The following ZNF518A variants were observed in gnomAD, a reference collection of about 807,000 sequenced individuals.
The protein encoded by ZNF518A is zinc finger protein 518A, also known as zinc finger protein 518.
A neutral mutation model predicts 102.7 loss-of-function variants in ZNF518A; 47 were observed. That is an observed-to-expected ratio of 0.46 (90% CI 0.36 to 0.58). The LOEUF (loss-of-function observed/expected upper bound fraction) is 0.58, where lower values mean the gene tolerates loss of function less well. Among genes scored for constraint, ZNF518A ranks in the 20% least tolerant of loss-of-function variants. The probability of loss-of-function intolerance (pLI) is 0.00; values close to 1 mark genes in which losing one functional copy is unlikely to be tolerated. For synonymous variants in ZNF518A, 652 were observed against 594.6 expected (o/e 1.10, Z -1.40); for missense variants, 1,793 against 1,699.8 (o/e 1.05, Z -0.96).
downstream of ZNF518A, among the ~76,000 whole-genome samples, chr10:96,165,166 C>T (rs587629338): frequency 1.3e-5 from 2 of 152,310 alleles, no homozygotes; most frequent in East Asian, 3.9e-4. Flanking sequence ...CTCTGTTCCC[C>T]AGGCTGGAGT....
intron 1 of ZNF518A, among the ~76,000 whole-genome samples, chr10:96,174,739 C>CAGATAGATAGATAGAT (rs57745529): frequency 0.02 from 3,025 of 151,086 alleles, 45 homozygotes; most frequent in Non-Finnish European, 0.029. Context: ...AAAAAAATTA[C>CAGATAGATAGATAGAT]AGATAGATAG....
intron 3 of ZNF518A, among the ~76,000 whole-genome samples, chr10:96,144,504 G>C (rs1338018396): frequency 2.0e-5 from 3 of 152,070 alleles, no homozygotes; most frequent in Non-Finnish European, 4.4e-5. Flanking sequence ...TGAGGTTTTT[G>C]TGAGTAAACA....
chr10:96,201,303 T>A (rs2083628010), intron 1 of ZNF518A, among the ~76,000 whole-genome samples: 1 of 152,118 alleles, frequency 6.6e-6, no homozygotes, highest in Admixed American at 6.5e-5. Context: ...CTCATGTAGT[T>A]CCACCAGAAA....
chr10:96,189,702 A>ATCG (rs1205264010), intron 1 of ZNF518A: 1 of 695,338 alleles, frequency 1.4e-6, no homozygotes, highest in African/African-American at 1.8e-5. Context: ...CATCAAAATC[A>ATCG]TCATCATCAT....
chr10:96,201,188 T>G, intron 1 of ZNF518A: 1 of 811,612 alleles, frequency 1.2e-6, no homozygotes, highest in Non-Finnish European at 2.1e-6. Context: ...AGGCAATGGT[T>G]CCAAAAGTGT....
At chr10:96,150,742 C>CTTT (rs1564759772) in intron 3 of ZNF518A, among the ~76,000 whole-genome samples, 1 of 14,538 alleles carries the variant, frequency 6.9e-5, no homozygotes, top group Non-Finnish European at 1.8e-4. Flanking sequence ...TTCTTTCTTT[C>CTTT]CTTTTTTTTT....
intron 3 of ZNF518A, among the ~76,000 whole-genome samples, chr10:96,135,960 G>T (rs1426539122): frequency 6.6e-6 from 1 of 152,144 alleles, no homozygotes; most frequent in East Asian, 1.9e-4. Flanking sequence ...GCTTTGATAG[G>T]CACAGAGAAT....
At chr10:96,174,713 AT>A (rs1564801342) in intron 1 of ZNF518A, among the ~76,000 whole-genome samples, 1 of 151,888 alleles carries the variant, frequency 6.6e-6, no homozygotes, top group Non-Finnish European at 1.5e-5. Flanking sequence ...TTCAGAATAC[AT>A]TAGTAAAGTC....
At chr10:96,191,992 T>C (rs1554893536) in intron 1 of ZNF518A, 4 of 1,613,784 alleles carry the variant, frequency 2.5e-6, no homozygotes, top group South Asian at 1.1e-5. Context: ...TTTAACTGCA[T>C]ACTTCAGTCT....
At chr10:96,155,569 T>G (rs2082658751) in intron 4 of ZNF518A, 193 bp downstream of exon 4, 1 of 152,244 alleles carries the variant, frequency 6.6e-6, no homozygotes, top group Admixed American at 6.5e-5. Flanking sequence ...TTCTTTTTAA[T>G]TTCTTCCTTT....
Position 96,160,724 on chromosome 10 carries a change from G to A in ZNF518A, c.4402G>A (p.Gly1468Arg). The change falls in exon 6 of 6, where the codon GGG (glycine) becomes AGG (arginine). Residue 1468 changes from glycine to arginine, a missense_variant. This residue lies in a region of ZNF518A where 30 missense variants were observed against 61.1 expected (regional missense o/e 0.49). Transcript: ENST00000316045. The part of the protein sequence containing the change: ...FDNQDTWAGH[G>R]QRHLMEATRD... ...CAATCAGGATACTTGGGCTGGTCAT[G>A]GGCAGAGACATTTAATGGAAGCTAC... 1 of 1,605,690 alleles carries A rather than the reference G, an allele frequency of 6.2e-7. No individual in the cohort carries two copies. Among genetic ancestry groups the A allele is most frequent in the African/African-American group, 1.3e-5 (1 of 74,508 alleles).
chr10:96,180,868 G>A (rs2133892349), intron 1 of ZNF518A, among the ~76,000 whole-genome samples: 1 of 152,288 alleles, frequency 6.6e-6, no homozygotes, highest in Middle Eastern at 3.4e-3. Context: ...CCAGTAATGT[G>A]ATGGCTGGGA....
At chr10:96,143,585 A>G (rs956802941) in intron 3 of ZNF518A, among the ~76,000 whole-genome samples, 34 of 152,326 alleles carry the variant, frequency 2.2e-4, no homozygotes, top group African/African-American at 7.5e-4. Flanking sequence ...GTAGTATGTA[A>G]GAAGCCTTTG....
intron 1 of ZNF518A, among the ~76,000 whole-genome samples, chr10:96,185,562 C>G (rs915988343): frequency 6.6e-6 from 1 of 152,138 alleles, no homozygotes; most frequent in Non-Finnish European, 1.5e-5. Context: ...AACAGTCAGT[C>G]CCCTCAGCTG....
chr10:96,172,896 G>A (rs1230880955), intron 1 of ZNF518A, among the ~76,000 whole-genome samples: 1 of 152,072 alleles, frequency 6.6e-6, no homozygotes, highest in Non-Finnish European at 1.5e-5. Flanking sequence ...GGATAAATAA[G>A]ATTCATGTGC....
At chr10:96,167,733 A>G (rs1044955357), downstream of ZNF518A, among the ~76,000 whole-genome samples, 1 of 152,244 alleles carries the variant, frequency 6.6e-6, no homozygotes, top group Admixed American at 6.5e-5. Context: ...TGTTCTTCAC[A>G]CTATGTACAC....
chr10:96,159,613 C>T lies in ZNF518A; in HGVS notation c.3291C>T (p.Phe1097=), dbSNP rs374368002. ...TTCCAAAACCACCTCTTTATACCTT[C>T]TTGCCTGATGGCAAACAAGCTGTTT... ...EIFPKPPLYT[F]LPDGKQAVFL... is the part of the protein sequence containing the mutation. Residue 1097 remains phenylalanine (F), a synonymous_variant, in exon 6 of 6, where the codon TTC becomes TTT. Transcript: ENST00000316045. 1.2e-5 allele frequency: 20 copies of T among 1,613,752 alleles called. No individual in the cohort carries two copies. Among genetic ancestry groups the T allele is most frequent in the African/African-American group, 1.2e-4 (9 of 74,926 alleles).
chr10:96,140,779 AG>A (rs66467327), intron 3 of ZNF518A, among the ~76,000 whole-genome samples: 29,407 of 148,734 alleles, frequency 0.2, 3,186 homozygotes, highest in East Asian at 0.49. Flanking sequence ...AAAAAAAAAA[AG>A]AATTGGAAAA....
intron 1 of ZNF518A, among the ~76,000 whole-genome samples, chr10:96,181,166 T>C (rs1554891995): frequency 6.6e-6 from 1 of 152,262 alleles, no homozygotes; most frequent in South Asian, 2.1e-4. Context: ...TCTATTCATG[T>C]CCTTCACCCA....
Sources: allele counts gnomAD v4.1 joint callset (sites outside exome capture counted in the v4.1 genomes callset), GRCh38; gene constraint gnomAD v4.1.1; regional missense constraint gnomAD v4.1.1; transcripts MANE v1.5; gene names NCBI Gene and HGNC (gene_info 2026-07-23, HGNC 2026-07-21).